The following UNC5D variants were observed in gnomAD, a reference collection of about 807,000 sequenced individuals.
UNC5D encodes unc-5 netrin receptor D.
A neutral mutation model predicts 105.4 loss-of-function variants in UNC5D; 39 were observed. That is an observed-to-expected ratio of 0.37 (90% CI 0.29 to 0.48). The LOEUF (loss-of-function observed/expected upper bound fraction) is 0.48. UNC5D is among the 20% of genes least tolerant of loss of function. UNC5D has a pLI of 0.98. For synonymous variants in UNC5D, 452 were observed against 450.4 expected (o/e 1.00, Z -0.04); for missense variants, 991 against 1,202.4 (o/e 0.82, Z 2.60).
chr8:35,322,213 T>C (rs534000265), intron 1 of UNC5D, among the ~76,000 whole-genome samples: 2 of 152,282 alleles, frequency 1.3e-5, no homozygotes, highest in East Asian at 1.9e-4. Context: ...TGGCCATGGA[T>C]TTCTCTTTTC....
chr8:35,236,819 G>A (rs545924717), intron 1 of UNC5D, among the ~76,000 whole-genome samples: 3 of 152,264 alleles, frequency 2.0e-5, no homozygotes, highest in Non-Finnish European at 4.4e-5. Context: ...AAAATCGGAA[G>A]CTTTGCCTTC....
At chr8:35,488,833 C>T (rs1171427959) in intron 1 of UNC5D, among the ~76,000 whole-genome samples, 1 of 152,160 alleles carries the variant, frequency 6.6e-6, no homozygotes, top group Non-Finnish European at 1.5e-5. Context: ...AATCACACTT[C>T]AGTTCTCAAC....
At chr8:35,441,919 G>C (rs1250892164) in intron 1 of UNC5D, among the ~76,000 whole-genome samples, 1 of 151,766 alleles carries the variant, frequency 6.6e-6, no homozygotes, top group East Asian at 1.9e-4. Context: ...CCTGTCTTGT[G>C]CCAATAGAAT....
At chr8:35,720,841 T>G (rs1828541696) in intron 8 of UNC5D, among the ~76,000 whole-genome samples, 1 of 91,534 alleles carries the variant, frequency 1.1e-5, no homozygotes, top group African/African-American at 7.0e-5. Context: ...CAGATGCTGT[T>G]TTTTTTTTTT....
chr8:35,762,232 C>A (rs1420912097), intron 14 of UNC5D, among the ~76,000 whole-genome samples: 1 of 152,070 alleles, frequency 6.6e-6, no homozygotes, highest in Admixed American at 6.5e-5. Context: ...TATCAGACAC[C>A]AGCAAACTGC....
chr8:35,518,327 C>G (rs1813240513), intron 1 of UNC5D, among the ~76,000 whole-genome samples: 1 of 152,100 alleles, frequency 6.6e-6, no homozygotes, highest in Admixed American at 6.6e-5. Context: ...AATATCCTTC[C>G]ATTTTATTTA....
chr8:35,523,578 CTTTTTTTT>C (rs33917742), intron 1 of UNC5D, among the ~76,000 whole-genome samples: 1 of 97,554 alleles, frequency 1.0e-5, no homozygotes, highest in Non-Finnish European at 2.2e-5. Context: ...GTAATGTGCT[CTTTTTTTT>C]TTTTTTTTTT....
chr8:35,474,077 T>C (rs762770981), intron 1 of UNC5D, among the ~76,000 whole-genome samples: 2 of 152,184 alleles, frequency 1.3e-5, no homozygotes, highest in South Asian at 4.1e-4. Context: ...CACCACTGAA[T>C]TGGAGATCAA....
At chr8:35,309,441 G>A (rs1166397809) in intron 1 of UNC5D, among the ~76,000 whole-genome samples, 2 of 152,126 alleles carry the variant, frequency 1.3e-5, no homozygotes, top group Admixed American at 1.3e-4. Flanking sequence ...GCTCATGCAA[G>A]TTCTTCTCAG....
intron 1 of UNC5D, among the ~76,000 whole-genome samples, chr8:35,411,937 A>G (rs1297953531): frequency 1.3e-5 from 2 of 152,080 alleles, no homozygotes; most frequent in Non-Finnish European, 2.9e-5. Flanking sequence ...GACAAGATCT[A>G]TGTCACCTCA....
At chr8:35,465,182 G>T (rs536304560) in intron 1 of UNC5D, among the ~76,000 whole-genome samples, 132 of 152,164 alleles carry the variant, frequency 8.7e-4, no homozygotes, top group Non-Finnish European at 1.6e-3. Context: ...TTTGAGTCCT[G>T]GGGTTCCAGA....
intron 1 of UNC5D, among the ~76,000 whole-genome samples, chr8:35,254,010 C>T (rs1370368709): frequency 1.3e-5 from 2 of 152,158 alleles, no homozygotes; most frequent in Admixed American, 6.5e-5. Context: ...CTGAACTAAA[C>T]TCTGTAATGT....
intron 7 of UNC5D, 114 bp downstream of exon 7, chr8:35,686,823 G>T: frequency 7.5e-7 from 1 of 1,342,034 alleles, no homozygotes; most frequent in African/African-American, 1.5e-5. Flanking sequence ...AAGCCAAGCT[G>T]CTAAGGGCAA....
At chr8:35,559,792 A>G (rs958225828) in intron 2 of UNC5D, among the ~76,000 whole-genome samples, 1 of 152,224 alleles carries the variant, frequency 6.6e-6, no homozygotes, top group Non-Finnish European at 1.5e-5. Context: ...TATACCTTCA[A>G]TTAGTTTGAA....
chr8:35,295,051 C>T (rs1563288500), intron 1 of UNC5D, among the ~76,000 whole-genome samples: 5 of 152,264 alleles, frequency 3.3e-5, no homozygotes. Context: ...ATGCTTGCAA[C>T]ACTTGAGCTC....
In UNC5D at chr8:35,485,616, A is replaced by G. The variant is rs117354777; in HGVS notation, c.104-63676A>G. ...GCTTCGTGGCACAACTCGGCAAAAT[A>G]CCCGCGGTACCCCAGTAGCACAAGC... On this transcript the variant is annotated intron_variant, in intron 1 of 16. Coordinates refer to ENST00000404895, the MANE Select transcript of UNC5D (RefSeq NM_080872.4). 2.2e-3 allele frequency among the ~76,000 whole-genome samples: 330 copies of G among 152,262 alleles called. 9 individuals carry two copies. The East Asian group carries it at 0.056, about 26-fold the overall frequency.
At chr8:35,594,992 G>A (rs1292842582) in intron 3 of UNC5D, among the ~76,000 whole-genome samples, 1 of 152,192 alleles carries the variant, frequency 6.6e-6, no homozygotes, top group East Asian at 1.9e-4. Context: ...GTAATTATAT[G>A]TTTGGTTGGA....
intron 1 of UNC5D, among the ~76,000 whole-genome samples, chr8:35,391,599 A>G (rs1803777802): frequency 6.6e-6 from 1 of 152,224 alleles, no homozygotes; most frequent in South Asian, 2.1e-4. Flanking sequence ...CAACACGCTA[A>G]ATAGGAAAAA....
chr8:35,518,974 C>T (rs1469258522), intron 1 of UNC5D, among the ~76,000 whole-genome samples: 1 of 152,120 alleles, frequency 6.6e-6, no homozygotes, highest in Admixed American at 6.5e-5. Flanking sequence ...GACCTAAAAT[C>T]CTAGTTCTAT....
Sources: allele counts gnomAD v4.1 joint callset (sites outside exome capture counted in the v4.1 genomes callset), GRCh38; gene constraint gnomAD v4.1.1; transcripts MANE v1.5; gene names NCBI Gene and HGNC (gene_info 2026-07-23, HGNC 2026-07-21).